PALM2AKAP2: variants seen among roughly 807,000 people sequenced by gnomAD.
The protein encoded by PALM2AKAP2 is PALM2 and AKAP2 fusion, also known as PALM2-AKAP2 fusion protein.
Under a neutral mutation model 71.5 loss-of-function variants are expected in PALM2AKAP2, and 37 were observed. The ratio of observed to expected loss-of-function variants is 0.52; its 90% CI spans 0.40 to 0.68. PALM2AKAP2 has a LOEUF of 0.68. Ranked by LOEUF, PALM2AKAP2 falls within the 30% of genes least tolerant of loss-of-function variation. PALM2AKAP2 has a pLI of 0.00. For synonymous variants in PALM2AKAP2, 468 were observed against 478.8 expected (o/e 0.98, Z 0.29); for missense variants, 1,224 against 1,191.8 (o/e 1.03, Z -0.40).
chr9:109,696,690 T>C (rs1827974892), intron 1 of PALM2AKAP2, among the ~76,000 whole-genome samples: 1 of 152,142 alleles, frequency 6.6e-6, no homozygotes, highest in South Asian at 2.1e-4. Context: ...AATGTGGTGT[T>C]CCACCTGCAT....
intron 1 of PALM2AKAP2, among the ~76,000 whole-genome samples, chr9:109,747,056 A>G (rs1455791935): frequency 1.3e-5 from 2 of 152,230 alleles, no homozygotes; most frequent in African/African-American, 4.8e-5. Context: ...AGCTACTGCC[A>G]TATTGTGGAG....
At chr9:110,142,782 CAG>C (rs1386108042) in intron 2 of PALM2AKAP2, among the ~76,000 whole-genome samples, 3 of 152,148 alleles carry the variant, frequency 2.0e-5, no homozygotes, top group African/African-American at 4.8e-5. Context: ...TAAAACAAAA[CAG>C]AAATAGATTT....
intron 1 of PALM2AKAP2, among the ~76,000 whole-genome samples, chr9:110,082,825 T>G (rs1834478641): frequency 6.6e-6 from 1 of 152,164 alleles, no homozygotes. Context: ...TTTCCCAAAC[T>G]GAAACTCTGT....
At chr9:109,891,818 G>A (rs1184040244) in intron 3 of PALM2AKAP2, among the ~76,000 whole-genome samples, 1 of 152,116 alleles carries the variant, frequency 6.6e-6, no homozygotes, top group African/African-American at 2.4e-5. Flanking sequence ...AAATGGTGGA[G>A]TAGCTCCCAT....
chr9:109,711,755 T>G (rs1468388541), intron 1 of PALM2AKAP2, among the ~76,000 whole-genome samples: 2 of 152,220 alleles, frequency 1.3e-5, no homozygotes, highest in African/African-American at 4.8e-5. Flanking sequence ...CATCAGCTTT[T>G]CCCTCCAGGG....
At chr9:109,679,349 G>A (rs1393959385) in intron 1 of PALM2AKAP2, among the ~76,000 whole-genome samples, 1 of 152,036 alleles carries the variant, frequency 6.6e-6, no homozygotes, top group Non-Finnish European at 1.5e-5. Context: ...AGAAGAACTT[G>A]GATCTGGTTC....
At chr9:109,886,677 A>G (rs922295305) in intron 3 of PALM2AKAP2, among the ~76,000 whole-genome samples, 8 of 152,172 alleles carry the variant, frequency 5.3e-5, no homozygotes, top group Non-Finnish European at 1.2e-4. Flanking sequence ...TCAGTGAGCC[A>G]TCTCTCGGGA....
chr9:109,774,149 G>A (rs7022209), intron 1 of PALM2AKAP2, among the ~76,000 whole-genome samples: 78,107 of 152,052 alleles, frequency 0.51, 22,572 homozygotes, highest in African/African-American at 0.78. Context: ...TGATGGCCAC[G>A]CTACCAAAAG....
intron 1 of PALM2AKAP2, among the ~76,000 whole-genome samples, chr9:109,770,885 C>G (rs890992179): frequency 6.6e-6 from 1 of 152,224 alleles, no homozygotes. Flanking sequence ...TATACATTAT[C>G]TCATTTGTTT....
intron 1 of PALM2AKAP2, among the ~76,000 whole-genome samples, chr9:109,674,497 T>C (rs1316042883): frequency 6.6e-6 from 1 of 152,098 alleles, no homozygotes; most frequent in African/African-American, 2.4e-5. Flanking sequence ...ACTGGTGGCC[T>C]CCCTTAACTT....
chr9:109,894,818 G>T (rs1830163843), intron 3 of PALM2AKAP2, among the ~76,000 whole-genome samples: 1 of 152,028 alleles, frequency 6.6e-6, no homozygotes, highest in African/African-American at 2.4e-5. Flanking sequence ...GCCTCGCTCT[G>T]TTGCCCAGGC....
rs374303099 is a variant in PALM2AKAP2 at position 109,759,895 on chromosome 9, G to T, written c.6-20593G>T. Reference sequence around the variant, plus strand: ...GCAAAGTATTCTTTTTTGAAGTAAGGTTATTGTGGTGTAATTTATATATGG... The same window carrying T: ...GCAAAGTATTCTTTTTTGAAGTAAGTTTATTGTGGTGTAATTTATATATGG... On this transcript the variant is annotated intron_variant, in intron 1 of 6. Coordinates refer to the PALM2AKAP2 transcript ENST00000374531. 3.3e-5 allele frequency among the ~76,000 whole-genome samples: 5 copies of T among 152,262 alleles called. No homozygotes were observed. In the South Asian group the frequency reaches 1.0e-3, roughly 32 times the overall value.
chr9:109,689,749 C>T (rs1827855451), intron 1 of PALM2AKAP2, among the ~76,000 whole-genome samples: 1 of 152,188 alleles, frequency 6.6e-6, no homozygotes, highest in African/African-American at 2.4e-5. Flanking sequence ...CCTACCTTTC[C>T]AGTCTCAGGC....
At chr9:109,869,723 C>A (rs34378423) in intron 2 of PALM2AKAP2, among the ~76,000 whole-genome samples, 123 of 151,812 alleles carry the variant, frequency 8.1e-4, no homozygotes, top group Admixed American at 3.3e-3. Flanking sequence ...TATGCGGAAG[C>A]AGTGAGGTTT....
At chr9:109,780,712 C>A (rs139786684) in intron 1 of PALM2AKAP2, among the ~76,000 whole-genome samples, 179 bp downstream of exon 1, 1 of 152,090 alleles carries the variant, frequency 6.6e-6, no homozygotes. Context: ...AGATGGAGAC[C>A]CCCAAGGGCG....
chr9:109,872,514 G>A (rs1316953575), intron 2 of PALM2AKAP2, among the ~76,000 whole-genome samples: 2 of 152,102 alleles, frequency 1.3e-5, no homozygotes, highest in African/African-American at 4.8e-5. Context: ...CTAATACCAC[G>A]TCTTCAATAC....
At chr9:109,880,776 TCTC>T (rs1829829386) in intron 3 of PALM2AKAP2, 95 bp downstream of exon 3, 2 of 1,443,196 alleles carry the variant, frequency 1.4e-6, no homozygotes, top group Non-Finnish European at 1.8e-6. Flanking sequence ...ACTGTTACCT[TCTC>T]CTGTACTTGA....
chr9:109,897,358 G>T (rs1830225410), intron 3 of PALM2AKAP2, among the ~76,000 whole-genome samples: 3 of 152,110 alleles, frequency 2.0e-5, no homozygotes, highest in African/African-American at 7.2e-5. Flanking sequence ...GAGGCAGGTG[G>T]ATCACGAGTT....
intron 1 of PALM2AKAP2, among the ~76,000 whole-genome samples, chr9:109,654,777 G>GTGTGTGTGTGTGTGTGTC (rs1207933308): frequency 6.6e-6 from 1 of 151,508 alleles, no homozygotes; most frequent in Non-Finnish European, 1.5e-5. Context: ...GTGTGTGTGT[G>GTGTGTGTGTGTGTGTGTC]TATATGTATT....
Sources: gnomAD v4.1 joint callset for allele counts (sites outside exome capture counted in the v4.1 genomes callset) on GRCh38, gnomAD v4.1.1 for gene constraint, MANE v1.5 for transcripts, NCBI Gene and HGNC (gene_info 2026-07-23, HGNC 2026-07-21) for gene names.